PHF13: variants seen among roughly 807,000 people sequenced by gnomAD.
The protein encoded by PHF13 is PHD zinc finger protein PHF5.
PHF13 carries 1 observed loss-of-function variant against 25.8 expected under a neutral mutation model. That is an observed-to-expected ratio of 0.04 (90% CI 0.01 to 0.18). The LOEUF is 0.18. Ranked by LOEUF, PHF13 falls within the 10% of genes least tolerant of loss-of-function variation. The pLI is 1.00. For synonymous variants in PHF13, 195 were observed against 162.4 expected (o/e 1.20, Z -1.53); for missense variants, 306 against 403.2 (o/e 0.76, Z 2.06).
At position 6,622,625 on chromosome 1, in the gene PHF13, T is replaced by TTG. The variant is rs1641356288; in HGVS notation, c.*993_*994dup. ...GGGAGCCCTCTCCGTTGGGTGACTC[T>TTG]TGTGTGCCCTTTAGACAGGCTGGCC... On this transcript the variant is annotated 3_prime_UTR_variant, in exon 4 of 4. Transcript: ENST00000377648. 1 of 150,992 alleles carries TTG rather than the reference T, an allele frequency of 6.6e-6. No homozygotes were observed. The highest frequency in any genetic ancestry group is 1.5e-5 in the Non-Finnish European group (1 of 68,016). 9.4% of individuals were successfully genotyped at this position (150,992 alleles called of 1,614,324 possible). A position where few individuals can be genotyped will look rare whatever the true frequency, so the allele number is the denominator to read the frequency against.
In PHF13 at chr1:6,620,111, G is replaced by A; in HGVS notation, c.450G>A (p.Glu150=). Residue 150 remains glutamate, a synonymous_variant, in exon 3 of 4, where the codon GAG becomes GAA. Coordinates refer to ENST00000377648, the MANE Select transcript of PHF13 (RefSeq NM_153812.3). ...TGGAAGCCGCTGACCCCTACGTGGA[G>A]ACCCCCACGAGTCCCACCTTGCAGG... is the stretch of plus-strand genomic sequence containing the variant. The part of the protein sequence containing the change: ...LKLEAADPYV[E]TPTSPTLQDI... The A allele has an allele frequency of 1.9e-6, 3 of 1,613,586 alleles. No homozygotes were observed. The South Asian group carries it at 3.3e-5, about 18-fold the overall frequency.
intron 1 of PHF13, among the ~76,000 whole-genome samples, chr1:6,614,927 C>G (rs1175395107): frequency 6.7e-6 from 1 of 149,932 alleles, no homozygotes; most frequent in Non-Finnish European, 1.5e-5. Context: ...GAGGCGGCGC[C>G]GGAGCCCGCC....
rs182208081 is a variant in PHF13 at position 6,620,119 on chromosome 1, C to T, written c.458C>T (p.Thr153Met). 3.3e-5 allele frequency: 54 copies of T among 1,613,622 alleles called. 1 individual carries two copies. The highest frequency in any genetic ancestry group is 2.3e-4 in the Admixed American group (14 of 60,012). Residue 153 changes from threonine to methionine, a missense_variant, in exon 3 of 4, where the codon ACG (threonine) becomes ATG (methionine). By Grantham distance (81) the Thr-to-Met change is moderately conservative. Around this residue, in one of 5 missense-constraint regions of PHF13, gnomAD observed 186 missense variants for 164.0 expected, o/e 1.13. Transcript: ENST00000377648. ...EAADPYVETP[T>M]SPTLQDIPQA... is the part of the protein sequence containing the mutation. ...GCTGACCCCTACGTGGAGACCCCCA[C>T]GAGTCCCACCTTGCAGGATATCCCC... is the stretch of plus-strand genomic sequence containing the variant.
intron 2 of PHF13, 138 bp downstream of exon 2, chr1:6,616,996 C>A: frequency 3.0e-6 from 2 of 657,970 alleles, no homozygotes; most frequent in Non-Finnish European, 5.4e-6. Flanking sequence ...AGTCACTAGT[C>A]TGGCAGAAAT....
At chr1:6,615,572 C>T (rs1054555805) in intron 1 of PHF13, among the ~76,000 whole-genome samples, 1 of 152,226 alleles carries the variant, frequency 6.6e-6, no homozygotes, top group Admixed American at 6.5e-5. Context: ...CCGGCTCTCC[C>T]CCAGCAGAGT....
Position 6,621,524 on chromosome 1 carries a change from C to A in PHF13, c.790C>A (p.Arg264=). ...GATTCACCTGTCCTGTGCGAAAATC[C>A]GGAAATCCAATGTTCCAGAAGTGTT... The part of the protein sequence containing the change: ...TWIHLSCAKI[R]KSNVPEVFVC... Residue 264 remains arginine, a synonymous_variant, in exon 4 of 4, where the codon CGG becomes AGG. Transcript: ENST00000377648. The surrounding 1 kb of genome is among the most constrained non-coding windows in gnomAD (Gnocchi z 4.8). 6.2e-7 allele frequency: 1 copy of A among 1,614,156 alleles called. No homozygotes were observed. The highest frequency in any genetic ancestry group is 2.2e-5 in the East Asian group (1 of 44,878).
Position 6,621,685 on chromosome 1 carries a change from G to A in PHF13, c.*48G>A, listed in dbSNP as rs746700910. On this transcript the variant is annotated 3_prime_UTR_variant, in exon 4 of 4. Coordinates refer to ENST00000377648, the MANE Select transcript of PHF13 (RefSeq NM_153812.3). The surrounding 1 kb of genome is among the most constrained non-coding windows in gnomAD (Gnocchi z 4.8). ...CGAGCGTGGAATCGGAAGCGACCGC[G>A]GGCTTTTTTGCCCTTCTCTTAGTTG... 2 of 1,575,150 alleles carry A rather than the reference G, an allele frequency of 1.3e-6. No individual in the cohort carries two copies. The highest frequency in any genetic ancestry group is 1.1e-5 in the South Asian group (1 of 89,904).
chr1:6,619,968 C>T lies in PHF13; in HGVS notation c.307C>T (p.Pro103Ser), dbSNP rs1340790775. Residue 103 changes from proline to serine, a missense_variant, in exon 3 of 4, where the codon CCC becomes TCC. Transcript: ENST00000377648. Reference sequence around the variant, plus strand: ...GCCTACTCTCTTGCAGCGAGCCAAGCCCAGTAACTTCCTGCTGGACAGAAA... The same window carrying T: ...GCCTACTCTCTTGCAGCGAGCCAAGTCCAGTAACTTCCTGCTGGACAGAAA... Reference protein sequence around the residue: ...LQPTLLQRAKPSNFLLDRKKT... With the variant: ...LQPTLLQRAKSSNFLLDRKKT... 6.2e-7 allele frequency: 1 copy of T among 1,613,838 alleles called. No individual in the cohort carries two copies.
Position 6,615,562 on chromosome 1 carries a change from C to G in PHF13, c.40-1195C>G, listed in dbSNP as rs945987250. On this transcript the variant is annotated intron_variant, in intron 1 of 3. Coordinates refer to ENST00000377648, the MANE Select transcript of PHF13 (RefSeq NM_153812.3). ...GAGACCCCTGCCCCCCATTTCCCCA[C>G]CGGCTCTCCCCCAGCAGAGTGGCGG... Among the ~76,000 whole-genome samples the G allele has an allele frequency of 2.6e-5, 4 of 152,338 alleles. No homozygotes were observed. The East Asian group carries it at 7.7e-4, about 29-fold the overall frequency.
intron 1 of PHF13, among the ~76,000 whole-genome samples, chr1:6,615,517 C>T (rs1171457854): frequency 6.6e-6 from 1 of 152,034 alleles, no homozygotes; most frequent in African/African-American, 2.4e-5. Flanking sequence ...GCCTGCTCCT[C>T]GCGGCGGGAG....
rs1176267252 is a variant in PHF13, at chr1:6,621,778, C to T, written c.*141C>T. ...TTAGGTGCCTAAGCAAAAGGACAGG[C>T]TGTCCAAGGTAGAAACTGTACATAG... On this transcript the variant is annotated 3_prime_UTR_variant, in exon 4 of 4. Transcript: ENST00000377648. The surrounding 1 kb of genome is among the most constrained non-coding windows in gnomAD (Gnocchi z 4.8). The T allele has an allele frequency of 4.9e-6, 4 of 820,932 alleles. No individual in the cohort carries two copies. Among genetic ancestry groups the T allele is most frequent in the Non-Finnish European group, 7.8e-6 (4 of 514,794 alleles). The allele number at this position is 820,932 out of a possible 1,614,324, so 50.9% of individuals were successfully genotyped here.
chr1:6,614,228 C>T (rs1570220565), intron 1 of PHF13, 123 bp downstream of exon 1: 1 of 745,410 alleles, frequency 1.3e-6, no homozygotes, highest in Non-Finnish European at 2.2e-6. Context: ...TTCCCCTCGT[C>T]GGCCCCCCCG....
In PHF13 at chr1:6,614,086, C is replaced by T. The variant is rs375210121; in HGVS notation, c.20C>T (p.Ala7Val). ...CGGAACATGGACTCTGACTCTTGCG[C>T]CGCCGCCTTCCACCCGGAGGTGAGT... Reference protein sequence around the residue: MDSDSCAAAFHPEEYSP... With the variant: MDSDSCVAAFHPEEYSP... Residue 7 changes from alanine (A) to valine (V), a missense_variant, in exon 1 of 4, where the codon GCC (alanine) becomes GTC (valine). Physicochemically the swap from Ala to Val is moderately conservative, Grantham distance 64. This residue lies in a region of PHF13 where 31 missense variants were observed against 23.9 expected (regional missense o/e 1.30). Transcript: ENST00000377648. 2 of 1,599,724 alleles carry T rather than the reference C, an allele frequency of 1.3e-6. No individual in the cohort carries two copies. The highest frequency in any genetic ancestry group is 1.7e-6 in the Non-Finnish European group (2 of 1,174,626).
intron 1 of PHF13, chr1:6,614,752 C>G (rs1425827994): frequency 6.6e-6 from 1 of 151,252 alleles, no homozygotes; most frequent in Non-Finnish European, 1.5e-5. Flanking sequence ...GGGCCCCCGC[C>G]CCCCGCCCGC....
rs1429178827 is a variant in PHF13 at position 6,621,663 on chromosome 1, G to A, written c.*26G>A. The A allele has an allele frequency of 1.9e-6, 3 of 1,610,762 alleles. No individual in the cohort carries two copies. Among genetic ancestry groups the A allele is most frequent in the Non-Finnish European group, 2.5e-6 (3 of 1,177,316 alleles). On this transcript the variant is annotated 3_prime_UTR_variant, in exon 4 of 4. Coordinates refer to ENST00000377648, the MANE Select transcript of PHF13 (RefSeq NM_153812.3). The surrounding 1 kb of genome is among the most constrained non-coding windows in gnomAD (Gnocchi z 4.8). ...CTGCTGGCTGGCGAGGAGGCTGCGA[G>A]CGTGGAATCGGAAGCGACCGCGGGC...
intron 3 of PHF13, among the ~76,000 whole-genome samples, chr1:6,620,704 GGC>G (rs1261072793): frequency 6.6e-6 from 1 of 152,036 alleles, no homozygotes; most frequent in Non-Finnish European, 1.5e-5. Context: ...TGGGCAGCAT[GGC>G]AAAGCCCTGT....
At position 6,622,443 on chromosome 1, in the gene PHF13, C is replaced by G. The variant is rs1388429940; in HGVS notation, c.*806C>G. On this transcript the variant is annotated 3_prime_UTR_variant, in exon 4 of 4. Coordinates refer to ENST00000377648, the MANE Select transcript of PHF13 (RefSeq NM_153812.3). Reference sequence around the variant, plus strand: ...TGCCCTCTTAGTTGGTGTGTGAGGTCTTGGTGGGCTCAGGCCAGCTGTTTG... The same window carrying G: ...TGCCCTCTTAGTTGGTGTGTGAGGTGTTGGTGGGCTCAGGCCAGCTGTTTG... 6.6e-6 allele frequency: 1 copy of G among 152,380 alleles called. No individual in the cohort carries two copies. The highest frequency in any genetic ancestry group is 2.4e-5 in the African/African-American group (1 of 41,276). The allele number at this position is 152,380 out of a possible 1,614,324, so 9.4% of individuals were successfully genotyped here.
Position 6,616,080 on chromosome 1 carries a change from A to C in PHF13, c.40-677A>C, listed in dbSNP as rs1641256565. On this transcript the variant is annotated intron_variant, in intron 1 of 3. Coordinates refer to ENST00000377648, the MANE Select transcript of PHF13 (RefSeq NM_153812.3). ...ATCTTAGCTCTGTCTACCGGGCTGG[A>C]GTGCAGTGGCGCGATCTTGGCTCAC... Among the ~76,000 whole-genome samples the C allele has an allele frequency of 2.4e-5, 3 of 124,534 alleles. No homozygotes were observed. In the South Asian group the frequency reaches 8.4e-4, roughly 35 times the overall value. 81.7% of individuals were successfully genotyped at this position (124,534 alleles called of 152,430 possible).
At position 6,613,997 on chromosome 1, in the gene PHF13, C is replaced by A. The variant is rs1262471246; in HGVS notation, c.-70C>A. On this transcript the variant is annotated 5_prime_UTR_variant, in exon 1 of 4. Coordinates refer to ENST00000377648, the MANE Select transcript of PHF13 (RefSeq NM_153812.3). ...CCTGCGCAGCCGCCCGAGCCCCCAGCCCCGGGCGGCCCCGCTCCAGCATCC... is the reference window on the plus strand; with the variant it reads ...CCTGCGCAGCCGCCCGAGCCCCCAGACCCGGGCGGCCCCGCTCCAGCATCC... 8.1e-7 allele frequency: 1 copy of A among 1,237,626 alleles called. No individual in the cohort carries two copies. Among genetic ancestry groups the A allele is most frequent in the Non-Finnish European group, 1.1e-6 (1 of 873,670 alleles). The allele number at this position is 1,237,626 out of a possible 1,614,324, so 76.7% of individuals were successfully genotyped here.
Sources: gnomAD v4.1 joint callset for allele counts (sites outside exome capture counted in the v4.1 genomes callset) on GRCh38, gnomAD v4.1.1 for gene constraint, gnomAD v4.1.1 regional missense constraint, Gnocchi (gnomAD v3.1) non-coding constraint, MANE v1.5 for transcripts, NCBI Gene and HGNC (gene_info 2026-07-23, HGNC 2026-07-21) for gene names.